UBE4B: variants seen among roughly 807,000 people sequenced by gnomAD.
UBE4B encodes the protein ubiquitin conjugation factor E4 B.
Under a neutral mutation model 148.1 loss-of-function variants are expected in UBE4B, and 27 were observed. The ratio of observed to expected loss-of-function variants is 0.18; its 90% confidence interval spans 0.13 to 0.25. UBE4B has a LOEUF of 0.25. Ranked by LOEUF, UBE4B falls within the 10% of genes least tolerant of loss-of-function variation. The probability of loss-of-function intolerance (pLI) is 1.00; values close to 1 mark genes in which losing one functional copy is unlikely to be tolerated. For missense variants in UBE4B, 1,170 were observed against 1,662.4 expected (o/e 0.70, Z 5.15); for synonymous variants, 596 against 619.3 (o/e 0.96, Z 0.56).
chr1:10,033,749 G>C (rs758413360), intron 1 of UBE4B, 55 bp downstream of exon 1: 137 of 1,499,182 alleles, frequency 9.1e-5, no homozygotes, highest in Non-Finnish European at 1.2e-4. Flanking sequence ...TTAGCGCTTT[G>C]GACAGGGATG....
At chr1:10,122,620 T>C (rs184388610) in intron 10 of UBE4B, among the ~76,000 whole-genome samples, 3 of 152,356 alleles carry the variant, frequency 2.0e-5, no homozygotes, top group Non-Finnish European at 2.9e-5. Context: ...AATGCAGATA[T>C]GTAGTGCTTA....
intron 2 of UBE4B, among the ~76,000 whole-genome samples, chr1:10,086,218 G>A (rs1644765110): frequency 6.6e-6 from 1 of 152,086 alleles, no homozygotes; most frequent in African/African-American, 2.4e-5. Flanking sequence ...TGATCTATCT[G>A]CCTCGGCCTC....
intron 23 of UBE4B, among the ~76,000 whole-genome samples, chr1:10,167,845 T>C (rs995556597): frequency 2.0e-5 from 3 of 152,176 alleles, no homozygotes; most frequent in Non-Finnish European, 2.9e-5. Context: ...CACCTTGGCT[T>C]CGCAAAGTGC....
chr1:10,164,342 C>T (rs1022362281), intron 23 of UBE4B, among the ~76,000 whole-genome samples: 9 of 151,556 alleles, frequency 5.9e-5, no homozygotes, highest in African/African-American at 1.5e-4. Flanking sequence ...AGCGAGACTC[C>T]GTCTCAAAAA....
At chr1:10,035,871 GT>G (rs1421211042) in intron 1 of UBE4B, among the ~76,000 whole-genome samples, 1 of 150,516 alleles carries the variant, frequency 6.6e-6, no homozygotes, top group Non-Finnish European at 1.5e-5. Flanking sequence ...AGCCTCCCGA[GT>G]AGCTGGGACT....
At chr1:10,155,728 A>C (rs776799858) in intron 21 of UBE4B, among the ~76,000 whole-genome samples, 4 of 152,246 alleles carry the variant, frequency 2.6e-5, no homozygotes, top group Admixed American at 6.5e-5. Flanking sequence ...TAGCTTAGAA[A>C]ATGCTCAAGT....
At chr1:10,126,640 ACT>A (rs961003906) in intron 10 of UBE4B, among the ~76,000 whole-genome samples, 152 bp from the exon 11 acceptor site, 2 of 152,162 alleles carry the variant, frequency 1.3e-5, no homozygotes, top group Non-Finnish European at 2.9e-5. Flanking sequence ...ACAGGTCAAC[ACT>A]CTGGCTGAAT....
chr1:10,057,251 C>T (rs1353199403), intron 1 of UBE4B, among the ~76,000 whole-genome samples: 1 of 151,972 alleles, frequency 6.6e-6, no homozygotes, highest in African/African-American at 2.4e-5. Flanking sequence ...GCGTGTTTAA[C>T]GTTCTTCATG....
chr1:10,088,039 A>G (rs1644790577), intron 2 of UBE4B, among the ~76,000 whole-genome samples: 1 of 152,194 alleles, frequency 6.6e-6, no homozygotes, highest in Admixed American at 6.5e-5. Flanking sequence ...AGCTCTTTCA[A>G]GTTGGATCCT....
chr1:10,112,665 G>A (rs139676749), intron 7 of UBE4B, among the ~76,000 whole-genome samples: 1 of 152,268 alleles, frequency 6.6e-6, no homozygotes, highest in East Asian at 1.9e-4. Context: ...CTCCCAAAGT[G>A]TAGAAATATT....
chr1:10,068,972 T>C (rs2101827036), intron 1 of UBE4B, among the ~76,000 whole-genome samples: 1 of 152,342 alleles, frequency 6.6e-6, no homozygotes, highest in Non-Finnish European at 1.5e-5. Context: ...CCTTCTGTCA[T>C]GTATGGACCT....
intron 2 of UBE4B, among the ~76,000 whole-genome samples, chr1:10,085,354 TCTTGA>T (rs1434443122): frequency 6.6e-6 from 1 of 152,214 alleles, no homozygotes; most frequent in Non-Finnish European, 1.5e-5. Flanking sequence ...GCCTCAGGCC[TCTTGA>T]CTTCAGGCGG....
intron 9 of UBE4B, 121 bp downstream of exon 9, chr1:10,119,734 GA>G: frequency 1.3e-6 from 1 of 763,250 alleles, no homozygotes; most frequent in Non-Finnish European, 2.1e-6. Flanking sequence ...CCTGTAAAAT[GA>G]AGGTCCCTTT....
chr1:10,051,708 G>A (rs1419926364), intron 1 of UBE4B, among the ~76,000 whole-genome samples: 1 of 152,158 alleles, frequency 6.6e-6, no homozygotes, highest in African/African-American at 2.4e-5. Context: ...GCAGAAAGGG[G>A]ACTCGAGGAG....
chr1:10,050,391 A>G (rs991808870), intron 1 of UBE4B, among the ~76,000 whole-genome samples: 32 of 152,104 alleles, frequency 2.1e-4, no homozygotes, highest in African/African-American at 7.7e-4. Flanking sequence ...AGGTTTTGAG[A>G]TATATCAGGC....
At chr1:10,044,742 C>T (rs562796328) in intron 1 of UBE4B, among the ~76,000 whole-genome samples, 4 of 152,078 alleles carry the variant, frequency 2.6e-5, no homozygotes, top group South Asian at 4.2e-4. Flanking sequence ...CCATCATGCC[C>T]GGCTAATTTT....
chr1:10,131,666 AT>A (rs1421517824), intron 14 of UBE4B, among the ~76,000 whole-genome samples: 1 of 152,128 alleles, frequency 6.6e-6, no homozygotes, highest in Non-Finnish European at 1.5e-5. Context: ...TCAGGAAGTC[AT>A]CCTGGCCAAC....
At chr1:10,153,490 T>TAAAAAA (rs1045427991) in intron 21 of UBE4B, among the ~76,000 whole-genome samples, 1 of 49,198 alleles carries the variant, frequency 2.0e-5, no homozygotes, top group East Asian at 6.7e-4. Flanking sequence ...ACCCTGTTTC[T>TAAAAAA]AAAAAAAAAA....
At chr1:10,171,004 T>C (rs943856386) in intron 24 of UBE4B, 134 bp from the exon 25 acceptor site, 3 of 862,560 alleles carry the variant, frequency 3.5e-6, no homozygotes, top group South Asian at 1.9e-5. Context: ...CTTCAGCTTA[T>C]GATACACAGC....
Sources: gnomAD v4.1 joint callset for allele counts (sites outside exome capture counted in the v4.1 genomes callset) on GRCh38, gnomAD v4.1.1 for gene constraint, MANE v1.5 for transcripts, NCBI Gene and HGNC (gene_info 2026-07-23, HGNC 2026-07-21) for gene names.